TGDS: variants seen among roughly 807,000 people sequenced by gnomAD.
TGDS encodes TDP-glucose 4,6-dehydratase.
In TGDS, 47 loss-of-function variants were observed where a neutral mutation model predicts 52.3. The ratio of observed to expected loss-of-function variants is 0.90; its 90% CI spans 0.71 to 1.15. The LOEUF (loss-of-function observed/expected upper bound fraction) is 1.15, where lower values mean the gene tolerates loss of function less well. Ranked by LOEUF, TGDS falls within the 50% of genes most tolerant of loss-of-function variation. The pLI is 0.00. For missense variants in TGDS, 375 were observed against 418.4 expected (o/e 0.90, Z 0.90); for synonymous variants, 115 against 136.9 (o/e 0.84, Z 1.12).
At chr13:94,587,998 CAAAAAA>C (rs71111537) in intron 4 of TGDS, among the ~76,000 whole-genome samples, 2 of 86,396 alleles carry the variant, frequency 2.3e-5, no homozygotes, top group South Asian at 4.1e-4. Context: ...CACTCCATCT[CAAAAAA>C]AAAAAAAAAA....
intron 4 of TGDS, among the ~76,000 whole-genome samples, chr13:94,587,955 C>T (rs1889051472): frequency 6.7e-6 from 1 of 148,294 alleles, no homozygotes; most frequent in South Asian, 2.2e-4. Context: ...CGAGATTGCG[C>T]CACTGCACTC....
intron 8 of TGDS, 41 bp downstream of exon 8, chr13:94,578,689 T>C (rs1290424636): frequency 1.4e-6 from 2 of 1,440,972 alleles, no homozygotes; most frequent in African/African-American, 2.8e-5. Flanking sequence ...TACTCTAACA[T>C]ACCAGAAAAG....
At chr13:94,581,223 AT>A (rs1276725292) in intron 5 of TGDS, 34 bp from the exon 6 acceptor site, 5 of 1,369,106 alleles carry the variant, frequency 3.7e-6, no homozygotes, top group Non-Finnish European at 5.0e-6. Flanking sequence ...AAAAAGTGTT[AT>A]GCATATTTTA....
At chr13:94,592,142 C>T in intron 3 of TGDS, 99 bp downstream of exon 3, 2 of 845,086 alleles carry the variant, frequency 2.4e-6, no homozygotes, top group Non-Finnish European at 3.5e-6. Context: ...AATTAGTGTT[C>T]TTTTCAAGCC....
intron 4 of TGDS, among the ~76,000 whole-genome samples, chr13:94,585,072 T>TC (rs1233055801): frequency 6.6e-6 from 1 of 151,432 alleles, no homozygotes; most frequent in Non-Finnish European, 1.5e-5. Flanking sequence ...CTTTTTTTTT[T>TC]TCTCTCTCTC....
At chr13:94,590,262 G>A (rs141878039) in intron 4 of TGDS, among the ~76,000 whole-genome samples, 1,574 of 148,564 alleles carry the variant, frequency 0.011, 24 homozygotes, top group African/African-American at 0.037. Context: ...CCTAAGTTAA[G>A]CTGTATTGTT....
intron 8 of TGDS, among the ~76,000 whole-genome samples, chr13:94,578,392 A>G (rs531509185): frequency 1.8e-5 from 2 of 110,898 alleles, no homozygotes; most frequent in South Asian, 5.8e-4. Flanking sequence ...TGAAATGTGT[A>G]TTCAATTTTA....
chr13:94,574,941 G>C, intron 11 of TGDS, 89 bp from the exon 12 acceptor site: 1 of 729,102 alleles, frequency 1.4e-6, no homozygotes, highest in Non-Finnish European at 2.2e-6. Flanking sequence ...GTTCCTGCTA[G>C]CTAAGTCTTG....
chr13:94,578,781 A>T lies in TGDS; in HGVS notation c.616-8T>A, dbSNP rs748515097. 10 of 1,455,420 alleles carry T rather than the reference A, an allele frequency of 6.9e-6. No homozygotes were observed. The South Asian group carries it at 1.2e-4, about 17-fold the overall frequency. The allele number at this position is 1,455,420 out of a possible 1,614,324, so 90.2% of individuals were successfully genotyped here. A position where few individuals can be genotyped will look rare whatever the true frequency, so the allele number is the denominator to read the frequency against. On this transcript the variant is annotated splice_polypyrimidine_tract_variant and splice_region_variant and intron_variant, in intron 7 of 11. Transcript: ENST00000261296. ...TATAAATTTTGGAATAACCTAAAAG[A>T]ATATTTAAATATCATTTCAGACTGG...
chr13:94,580,622 C>T (rs568203460), intron 6 of TGDS, among the ~76,000 whole-genome samples: 1 of 152,274 alleles, frequency 6.6e-6, no homozygotes, highest in Non-Finnish European at 1.5e-5. Flanking sequence ...CTGTCTTCCT[C>T]CACTCATAGG....
At chr13:94,583,033 T>A (rs1888853972) in intron 5 of TGDS, 61 bp downstream of exon 5, 1 of 1,566,050 alleles carries the variant, frequency 6.4e-7, no homozygotes, top group Non-Finnish European at 8.7e-7. Context: ...CAGTGTAGGT[T>A]TAATAAAACT....
intron 4 of TGDS, 140 bp downstream of exon 4, chr13:94,590,713 C>T: frequency 1.7e-6 from 1 of 599,772 alleles, no homozygotes; most frequent in East Asian, 3.1e-5. Context: ...CTAAAAAGTG[C>T]TGAGTTTATG....
In TGDS at chr13:94,581,144, AT is replaced by A. The variant is rs1888776695; in HGVS notation, c.501del (p.Ser168HisfsTer72). On this transcript the variant is annotated frameshift_variant, in exon 6 of 12. Transcript: ENST00000261296. LOFTEE classifies it high-confidence loss of function. ...AAACATTCAGCAGCTGCTTTAGATG[AT>A]GCATAAGGATTTGTAGGTTGTTTGG... ...SSPKQPTNPY[A>X]SSKAAAECFV... 6.3e-7 allele frequency: 1 copy of A among 1,596,234 alleles called. No homozygotes were observed. Among genetic ancestry groups the A allele is most frequent in the Non-Finnish European group, 8.5e-7 (1 of 1,170,764 alleles).
Position 94,593,904 on chromosome 13 carries a change from T to C in TGDS, c.90A>G (p.Ala30=), listed in dbSNP as rs777209134. 6.4e-7 allele frequency: 1 copy of C among 1,560,680 alleles called. No homozygotes were observed. Among genetic ancestry groups the C allele is most frequent in the East Asian group, 2.3e-5 (1 of 43,688 alleles). ...CCACTAAAGAGACAATCATATGTGA[T>C]GCACTATGGAAAAAAAGTATATCTT... ...VLVTGGAGFI[A]SHMIVSLVED... Residue 30 remains alanine (A), a synonymous_variant, in exon 2 of 12, where the codon GCA becomes GCG. Transcript: ENST00000261296.
At chr13:94,583,344 C>T in intron 4 of TGDS, 108 bp from the exon 5 acceptor site, 1 of 1,130,464 alleles carries the variant, frequency 8.8e-7, no homozygotes, top group South Asian at 1.9e-5. Context: ...TCTTCATTTA[C>T]CACAGCTGCA....
chr13:94,589,198 T>C (rs1260506106), intron 4 of TGDS, among the ~76,000 whole-genome samples: 2 of 152,116 alleles, frequency 1.3e-5, no homozygotes, highest in African/African-American at 2.4e-5. Context: ...GTAACATATG[T>C]AATGATAAAG....
In TGDS at chr13:94,592,420, C is replaced by A. The variant is rs1566966075; in HGVS notation, c.154-111G>T. The A allele has an allele frequency of 3.7e-6, 3 of 803,004 alleles. No homozygotes were observed. In the South Asian group the frequency reaches 5.9e-5, roughly 16 times the overall value. 49.7% of individuals were successfully genotyped at this position (803,004 alleles called of 1,614,324 possible). A position where few individuals can be genotyped will look rare whatever the true frequency, so the allele number is the denominator to read the frequency against. On this transcript the variant is annotated intron_variant, in intron 2 of 11. Transcript: ENST00000261296. Reference sequence around the variant, plus strand: ...GATGTTACTGGTTACAATACAAGAACATGTCCTCTTAAAGTGTGTTTGCTC... The same window carrying A: ...GATGTTACTGGTTACAATACAAGAAAATGTCCTCTTAAAGTGTGTTTGCTC...
intron 2 of TGDS, 126 bp downstream of exon 2, chr13:94,593,715 G>T: frequency 1.4e-6 from 1 of 690,536 alleles, no homozygotes; most frequent in Non-Finnish European, 2.5e-6. Flanking sequence ...ACTATACAGA[G>T]CCTCTGAATT....
chr13:94,582,945 T>A (rs892993114), intron 5 of TGDS, 149 bp downstream of exon 5: 1 of 682,402 alleles, frequency 1.5e-6, no homozygotes, highest in Non-Finnish European at 2.3e-6. Flanking sequence ...TCTATTCTAT[T>A]AGTTGTGTCC....
Sources: gnomAD v4.1 joint callset for allele counts (sites outside exome capture counted in the v4.1 genomes callset) on GRCh38, gnomAD v4.1.1 for gene constraint, MANE v1.5 for transcripts, NCBI Gene and HGNC (gene_info 2026-07-23, HGNC 2026-07-21) for gene names.